The following IGSF11 variants were observed in gnomAD, a reference collection of about 807,000 sequenced individuals.
IGSF11 encodes the protein CXADR like 1.
Under a neutral mutation model 41.0 loss-of-function variants are expected in IGSF11, and 22 were observed. The ratio of observed to expected loss-of-function variants is 0.54; its 90% CI spans 0.38 to 0.77. The LOEUF (loss-of-function observed/expected upper bound fraction) is 0.77. IGSF11 is among the 30% of genes least tolerant of loss of function. The pLI, the probability that IGSF11 is intolerant of heterozygous loss-of-function variation, is 0.00. For synonymous variants in IGSF11, 219 were observed against 201.3 expected, an observed-to-expected ratio of 1.09 and a Z score of -0.74; for missense variants, 444 against 530.8, an observed-to-expected ratio of 0.84 and a Z score of 1.61.
chr3:119,054,935 G>T (rs1212977112), intron 1 of IGSF11, among the ~76,000 whole-genome samples: 1 of 152,126 alleles, frequency 6.6e-6, no homozygotes, highest in East Asian at 1.9e-4. Context: ...CCCAAGTACG[G>T]GCGGACTGAC....
At chr3:118,955,708 G>A (rs1173924222) in intron 1 of IGSF11, among the ~76,000 whole-genome samples, 2 of 152,050 alleles carry the variant, frequency 1.3e-5, no homozygotes, top group Non-Finnish European at 2.9e-5. Context: ...CCCAGGCTTT[G>A]TTATTCCATT....
At chr3:119,096,318 A>AAC (rs2076849777) in intron 1 of IGSF11, among the ~76,000 whole-genome samples, 1 of 151,800 alleles carries the variant, frequency 6.6e-6, no homozygotes, top group African/African-American at 2.4e-5. Context: ...CTTCAAGTAG[A>AAC]ATATATATAT....
intron 1 of IGSF11, among the ~76,000 whole-genome samples, chr3:119,137,052 C>T (rs1018883984): frequency 6.6e-5 from 10 of 151,884 alleles, no homozygotes; most frequent in African/African-American, 2.2e-4. Flanking sequence ...AGCTATAAGA[C>T]ACTGATGAAA....
At chr3:118,972,877 C>T (rs370648262) in intron 1 of IGSF11, among the ~76,000 whole-genome samples, 4 of 152,144 alleles carry the variant, frequency 2.6e-5, no homozygotes, top group East Asian at 1.9e-4. Flanking sequence ...GCATAGGCCA[C>T]ACCATAAATG....
At chr3:119,119,349 G>C (rs894583265) in intron 1 of IGSF11, among the ~76,000 whole-genome samples, 1 of 152,196 alleles carries the variant, frequency 6.6e-6, no homozygotes, top group Non-Finnish European at 1.5e-5. Flanking sequence ...AGCAGTCAAA[G>C]AGAGCTTGTG....
intron 4 of IGSF11, 48 bp from the exon 5 acceptor site, chr3:118,905,766 A>G (rs766170157): frequency 6.2e-7 from 1 of 1,604,332 alleles, no homozygotes; most frequent in Non-Finnish European, 8.5e-7. Context: ...GACTAATAGC[A>G]AAACCAAAGA....
chr3:118,909,690 C>T (rs1356875111), intron 4 of IGSF11, among the ~76,000 whole-genome samples: 1 of 152,236 alleles, frequency 6.6e-6, no homozygotes, highest in African/African-American at 2.4e-5. Flanking sequence ...CACAGCAGCT[C>T]AGTGCCTTTA....
intron 1 of IGSF11, among the ~76,000 whole-genome samples, chr3:119,110,658 A>G (rs1447314507): frequency 1.3e-5 from 2 of 152,174 alleles, no homozygotes; most frequent in Non-Finnish European, 2.9e-5. Flanking sequence ...TATTTTGCTC[A>G]TTAGTTGATG....
intron 1 of IGSF11, among the ~76,000 whole-genome samples, chr3:119,062,521 C>T (rs546381905): frequency 6.6e-6 from 1 of 152,256 alleles, no homozygotes; most frequent in South Asian, 2.1e-4. Context: ...ACTAAACAAT[C>T]AGATCATGCA....
chr3:119,132,841 A>G (rs1365388443), intron 1 of IGSF11, among the ~76,000 whole-genome samples: 1 of 152,204 alleles, frequency 6.6e-6, no homozygotes, highest in African/African-American at 2.4e-5. Flanking sequence ...GCAAATGTAA[A>G]AAAATGGAAA....
intron 1 of IGSF11, among the ~76,000 whole-genome samples, chr3:118,959,760 A>C (rs945437152): frequency 1.3e-5 from 2 of 152,226 alleles, no homozygotes; most frequent in African/African-American, 4.8e-5. Flanking sequence ...AAGAAACAAC[A>C]AATGTGGGCC....
intron 1 of IGSF11, among the ~76,000 whole-genome samples, chr3:118,967,776 ATACATATAGTTG>A (rs1296769549): frequency 6.6e-6 from 1 of 152,222 alleles, no homozygotes; most frequent in East Asian, 1.9e-4. Context: ...AAGCAAGTGA[ATACATATAGTTG>A]TATTGTTTTC....
intron 1 of IGSF11, among the ~76,000 whole-genome samples, chr3:119,063,420 T>A (rs1057348018): frequency 6.6e-6 from 1 of 152,194 alleles, no homozygotes; most frequent in Non-Finnish European, 1.5e-5. Flanking sequence ...GTAAATCATG[T>A]TTTCTTGTAA....
At chr3:119,042,589 CTA>C (rs1322649116) in intron 1 of IGSF11, among the ~76,000 whole-genome samples, 3 of 152,102 alleles carry the variant, frequency 2.0e-5, no homozygotes, top group Non-Finnish European at 4.4e-5. Context: ...GAACCACCTC[CTA>C]CCCCCCACAG....
intron 1 of IGSF11, among the ~76,000 whole-genome samples, chr3:119,099,512 T>C (rs2076909006): frequency 6.6e-6 from 1 of 152,220 alleles, no homozygotes; most frequent in East Asian, 1.9e-4. Flanking sequence ...GAATGAGCTC[T>C]TTAAGGATAC....
chr3:119,012,391 T>A (rs1938235595), intron 1 of IGSF11, among the ~76,000 whole-genome samples: 1 of 152,222 alleles, frequency 6.6e-6, no homozygotes, highest in South Asian at 2.1e-4. Context: ...TTAGTCAACA[T>A]ATTTGTAATT....
rs572017159 is a variant in IGSF11, at chr3:118,903,717, T to C, written c.855-756A>G. On this transcript the variant is annotated intron_variant, in intron 6 of 6. Coordinates refer to ENST00000393775, the MANE Select transcript of IGSF11 (RefSeq NM_001015887.3). Reference sequence around the variant, plus strand: ...CATTTATTGGGTACACTTTACAATATGTTTCATGTAAAAAAGACACAAATC... The same window carrying C: ...CATTTATTGGGTACACTTTACAATACGTTTCATGTAAAAAAGACACAAATC... Among the ~76,000 whole-genome samples, 23 of 152,354 alleles carry C rather than the reference T, an allele frequency of 1.5e-4. 1 individual carries two copies. The South Asian group carries it at 4.6e-3, about 30-fold the overall frequency.
intron 1 of IGSF11, among the ~76,000 whole-genome samples, chr3:118,933,183 A>G (rs1411161672): frequency 1.3e-5 from 2 of 152,246 alleles, no homozygotes; most frequent in African/African-American, 4.8e-5. Flanking sequence ...AGCTGCTTTC[A>G]GAACTTGCAA....
intron 1 of IGSF11, among the ~76,000 whole-genome samples, chr3:119,073,898 C>T (rs1256797625): frequency 6.6e-6 from 1 of 152,218 alleles, no homozygotes; most frequent in Non-Finnish European, 1.5e-5. Flanking sequence ...AGAGTGGGCA[C>T]CAAGGCCAAG....
Sources: allele counts gnomAD v4.1 joint callset (sites outside exome capture counted in the v4.1 genomes callset), GRCh38; gene constraint gnomAD v4.1.1; transcripts MANE v1.5; gene names NCBI Gene and HGNC (gene_info 2026-07-23, HGNC 2026-07-21).